FAM76B: variants seen among roughly 807,000 people sequenced by gnomAD.
FAM76B encodes family with sequence similarity 76 member B.
FAM76B carries 16 observed loss-of-function variants against 51.8 expected under a neutral mutation model. That is an observed-to-expected ratio of 0.31 (90% CI 0.21 to 0.47). The LOEUF (loss-of-function observed/expected upper bound fraction) is 0.47. Among genes scored for constraint, FAM76B ranks in the 20% least tolerant of loss-of-function variants. FAM76B has a pLI of 1.00. For missense variants in FAM76B, 342 were observed against 392.6 expected (o/e 0.87, Z 1.09); for synonymous variants, 166 against 129.5 (o/e 1.28, Z -1.91).
At chr11:95,774,065 G>C (rs1480448110) in intron 9 of FAM76B, among the ~76,000 whole-genome samples, 1 of 151,302 alleles carries the variant, frequency 6.6e-6, no homozygotes, top group East Asian at 1.9e-4. Flanking sequence ...ACTCAGCTAT[G>C]ACAGATTGTC....
rs777813835 is a variant in FAM76B at position 95,788,545 on chromosome 11, G to T, written c.106C>A (p.Pro36Thr). 6.2e-7 allele frequency: 1 copy of T among 1,612,594 alleles called. No individual in the cohort carries two copies. The highest frequency in any genetic ancestry group is 2.2e-5 in the East Asian group (1 of 44,814). Residue 36 changes from proline (P) to threonine (T), a missense_variant, in exon 2 of 10, where the codon CCT becomes ACT. By Grantham distance (38) the Pro-to-Thr change is conservative. Coordinates refer to ENST00000358780, the MANE Select transcript of FAM76B (RefSeq NM_144664.5). ...QLCKECRIAH[P>T]IVKCTYCRSE... is the part of the protein sequence containing the mutation. ...CTGCAGTAAGTACATTTTACAATAG[G>T]ATGTGCAATCCGACATTCCTGTAAT...
chr11:95,786,188 T>C lies in FAM76B; in HGVS notation c.294A>G (p.Gly98=). 6.2e-7 allele frequency: 1 copy of C among 1,614,122 alleles called. No homozygotes were observed. Among genetic ancestry groups the C allele is most frequent in the Non-Finnish European group, 8.5e-7 (1 of 1,180,000 alleles). The change falls in exon 4 of 10, where the codon GGA becomes GGG. Residue 98 remains glycine, a synonymous_variant. Coordinates refer to ENST00000358780, the MANE Select transcript of FAM76B (RefSeq NM_144664.5). Reference sequence around the variant, plus strand: ...TGCACTGTTCACAGGTCTGAGGTGGTCCATACTTTTTTTCTGAATTTGTGC... The same window carrying C: ...TGCACTGTTCACAGGTCTGAGGTGGCCCATACTTTTTTTCTGAATTTGTGC... ...QRCTNSEKKY[G]PPQTCEQCKQ...
intron 9 of FAM76B, among the ~76,000 whole-genome samples, chr11:95,773,045 C>G (rs1246338544): frequency 6.7e-6 from 1 of 149,950 alleles, no homozygotes; most frequent in Non-Finnish European, 1.5e-5. Context: ...AAAAAGATCT[C>G]CACTAGATCT....
chr11:95,789,334 G>A (rs2120334383), intron 1 of FAM76B, 58 bp downstream of exon 1: 12 of 1,521,026 alleles, frequency 7.9e-6, no homozygotes, highest in Non-Finnish European at 1.1e-5. Context: ...CGGCTACCCG[G>A]CCCCCTCCGG....
At position 95,771,783 on chromosome 11, in the gene FAM76B, G is replaced by C; in HGVS notation, c.931-133C>G. Reference sequence around the variant, plus strand: ...TAAAGCACTAACATTAAATGAAAGAGTTGATACCTTTACATTCATCTCTTT... The same window carrying C: ...TAAAGCACTAACATTAAATGAAAGACTTGATACCTTTACATTCATCTCTTT... On this transcript the variant is annotated intron_variant, in intron 9 of 9. Transcript: ENST00000358780. The C allele has an allele frequency of 3.1e-6, 2 of 651,346 alleles. 1 individual carries two copies. The highest frequency in any genetic ancestry group is 4.3e-5 in the South Asian group (2 of 46,604). 40.3% of individuals were successfully genotyped at this position (651,346 alleles called of 1,614,324 possible). A position where few individuals can be genotyped will look rare whatever the true frequency, so the allele number is the denominator to read the frequency against.
chr11:95,785,399 AAG>A (rs1477258059), intron 4 of FAM76B, among the ~76,000 whole-genome samples: 5 of 152,244 alleles, frequency 3.3e-5, no homozygotes, highest in African/African-American at 9.6e-5. Context: ...TGTGTCAAAG[AAG>A]AGACTTTCCA....
At chr11:95,789,043 A>T (rs529953162) in intron 1 of FAM76B, 2 of 1,381,568 alleles carry the variant, frequency 1.4e-6, no homozygotes, top group Non-Finnish European at 1.9e-6. Flanking sequence ...GAAGAAGAGG[A>T]CAGACCAGGC....
intron 1 of FAM76B, chr11:95,789,166 T>C (rs1860816793): frequency 9.0e-7 from 1 of 1,115,710 alleles, no homozygotes; most frequent in African/African-American, 1.6e-5. Flanking sequence ...CCCGGCACCC[T>C]CCTGGGCCGC....
chr11:95,774,457 C>T (rs1859908311), intron 9 of FAM76B, among the ~76,000 whole-genome samples: 2 of 151,222 alleles, frequency 1.3e-5, no homozygotes, highest in South Asian at 4.1e-4. Context: ...AAAGAAAAAC[C>T]AACACACAAA....
intron 4 of FAM76B, among the ~76,000 whole-genome samples, chr11:95,783,708 T>G (rs566450283): frequency 3.3e-4 from 51 of 152,344 alleles, no homozygotes; most frequent in African/African-American, 1.2e-3. Context: ...TCATTATTCT[T>G]GCATTTCCTA....
At position 95,787,619 on chromosome 11, in the gene FAM76B, C is replaced by T; in HGVS notation, c.207+5G>A. The T allele has an allele frequency of 6.2e-7, 1 of 1,609,616 alleles. No individual in the cohort carries two copies. ...CAATGACATGAAAACATAAGACATA[C>T]TTACCGTCCCAAATTGCTTCACATT... On this transcript the variant is annotated splice_donor_5th_base_variant and intron_variant, in intron 3 of 9. Coordinates refer to ENST00000358780, the MANE Select transcript of FAM76B (RefSeq NM_144664.5).
In FAM76B at chr11:95,786,218, C is replaced by T. The variant is rs1418491013; in HGVS notation, c.264G>A (p.Gln88=). The T allele has an allele frequency of 6.2e-7, 1 of 1,614,116 alleles. No individual in the cohort carries two copies. Among genetic ancestry groups the T allele is most frequent in the Non-Finnish European group, 8.5e-7 (1 of 1,180,010 alleles). The change falls in exon 4 of 10, where the codon CAG becomes CAA. Residue 88 remains glutamine, a synonymous_variant. Transcript: ENST00000358780. ...ACTTTTTTTCTGAATTTGTGCAACG[C>T]TGACACTTGGTACCAATAAATGCTG... ...IIAAFIGTKC[Q]RCTNSEKKYG...
At position 95,788,570 on chromosome 11, in the gene FAM76B, T is replaced by TA; in HGVS notation, c.88-8dup. On this transcript the variant is annotated splice_polypyrimidine_tract_variant and splice_region_variant and intron_variant, in intron 1 of 9. Transcript: ENST00000358780. ...GATGTGCAATCCGACATTCCTGTAA[T>TA]AAGACAATACATTAGTCAGTATCTT... 6.2e-7 allele frequency: 1 copy of TA among 1,609,794 alleles called. No homozygotes were observed. The highest frequency in any genetic ancestry group is 8.5e-7 in the Non-Finnish European group (1 of 1,177,450).
In FAM76B at chr11:95,770,744, G is replaced by A. The variant is rs1309644758; in HGVS notation, c.*817C>T. 6.6e-6 allele frequency: 1 copy of A among 151,580 alleles called. No individual in the cohort carries two copies. Among genetic ancestry groups the A allele is most frequent in the Non-Finnish European group, 1.5e-5 (1 of 67,386 alleles). The allele number at this position is 151,580 out of a possible 1,614,324, so 9.4% of individuals were successfully genotyped here. A position where few individuals can be genotyped will look rare whatever the true frequency, so the allele number is the denominator to read the frequency against. Reference sequence around the variant, plus strand: ...AAATGTAATCTCAAACATTTTACTAGCAACTTTGATTTCCTTTTGAAATAG... The same window carrying A: ...AAATGTAATCTCAAACATTTTACTAACAACTTTGATTTCCTTTTGAAATAG... On this transcript the variant is annotated 3_prime_UTR_variant, in exon 10 of 10. Coordinates refer to ENST00000358780, the MANE Select transcript of FAM76B (RefSeq NM_144664.5).
At chr11:95,788,996 GC>G (rs1223227943) in intron 1 of FAM76B, 1 of 1,352,868 alleles carries the variant, frequency 7.4e-7, no homozygotes, top group Non-Finnish European at 9.7e-7. Context: ...CGGGTTCCTA[GC>G]AAGAAAGTGC....
chr11:95,776,042 AAT>A lies in FAM76B; in HGVS notation c.829-21_829-20del. ...CAGTTAACTGAGAGATTAAAGAAAAAATATATGTATATATTTGCACACATACA... is the reference window on the plus strand; with the variant it reads ...CAGTTAACTGAGAGATTAAAGAAAAAATATGTATATATTTGCACACATACA... On this transcript the variant is annotated intron_variant, in intron 8 of 9. Transcript: ENST00000358780. 6.8e-7 allele frequency: 1 copy of A among 1,464,798 alleles called. No homozygotes were observed. The highest frequency in any genetic ancestry group is 9.3e-7 in the Non-Finnish European group (1 of 1,073,872). The allele number at this position is 1,464,798 out of a possible 1,614,324, so 90.7% of individuals were successfully genotyped here.
intron 5 of FAM76B, among the ~76,000 whole-genome samples, chr11:95,781,530 C>A (rs1473814087): frequency 6.6e-6 from 1 of 152,076 alleles, no homozygotes; most frequent in Non-Finnish European, 1.5e-5. Context: ...CTGTCACATA[C>A]TTTAGTCTTC....
At chr11:95,773,929 T>C (rs775035855) in intron 9 of FAM76B, among the ~76,000 whole-genome samples, 1 of 151,294 alleles carries the variant, frequency 6.6e-6, no homozygotes, top group South Asian at 2.1e-4. Flanking sequence ...GCAAGATCCA[T>C]CTTGTGTCAC....
At chr11:95,782,663 C>T (rs1381048698) in intron 5 of FAM76B, among the ~76,000 whole-genome samples, 1 of 152,060 alleles carries the variant, frequency 6.6e-6, no homozygotes, top group East Asian at 1.9e-4. Flanking sequence ...CAAACCCAGT[C>T]ATTGGTTTGT....
Sources: gnomAD v4.1 joint callset for allele counts (sites outside exome capture counted in the v4.1 genomes callset) on GRCh38, gnomAD v4.1.1 for gene constraint, MANE v1.5 for transcripts, NCBI Gene and HGNC (gene_info 2026-07-23, HGNC 2026-07-21) for gene names.